Variants in ELMO1 observed in about 807,000 individuals in gnomAD.
ELMO1 encodes engulfment and cell motility protein 1.
In ELMO1, 26 loss-of-function variants were observed where a neutral mutation model predicts 98.9. The ratio of observed to expected loss-of-function variants is 0.26; its 90% CI spans 0.19 to 0.36. ELMO1 has a LOEUF of 0.36. ELMO1 is among the 10% of genes least tolerant of loss of function. The pLI is 1.00. For missense variants in ELMO1, 627 were observed against 935.2 expected, an observed-to-expected ratio of 0.67 and a Z score of 4.30; for synonymous variants, 346 against 346.0, an observed-to-expected ratio of 1.00 and a Z score of 0.00.
At chr7:36,956,510 G>C (rs1169056977) in intron 16 of ELMO1, among the ~76,000 whole-genome samples, 1 of 152,108 alleles carries the variant, frequency 6.6e-6, no homozygotes, top group Non-Finnish European at 1.5e-5. Flanking sequence ...TTATATGTTT[G>C]TAAAGGACAA....
At position 37,098,168 on chromosome 7, in the gene ELMO1, C is replaced by G. The variant is rs770262003; in HGVS notation, c.1192-1441G>C. On this transcript the variant is annotated intron_variant, in intron 14 of 21. Transcript: ENST00000310758. ...CATCTACAATGATGCTGTGCAGTGACTCACTGTTTTGTCACCTCCACAGAA... is the reference window on the plus strand; with the variant it reads ...CATCTACAATGATGCTGTGCAGTGAGTCACTGTTTTGTCACCTCCACAGAA... Among the ~76,000 whole-genome samples, 19 of 152,296 alleles carry G rather than the reference C, an allele frequency of 1.2e-4. No individual in the cohort carries two copies. In the South Asian group the frequency reaches 1.9e-3, roughly 15 times the overall value.
chr7:37,014,065 T>C (rs1369896831), intron 15 of ELMO1, among the ~76,000 whole-genome samples: 8 of 152,134 alleles, frequency 5.3e-5, no homozygotes, highest in Admixed American at 5.2e-4. Flanking sequence ...GGTCCAGTCC[T>C]GGGCAAAATC....
intron 15 of ELMO1, among the ~76,000 whole-genome samples, chr7:37,042,900 C>A (rs1039967750): frequency 2.6e-5 from 4 of 152,232 alleles, no homozygotes; most frequent in Non-Finnish European, 5.9e-5. Flanking sequence ...CAGTTCTGCG[C>A]ATCACATTTT....
chr7:37,290,390 A>C (rs1247670656), intron 4 of ELMO1, among the ~76,000 whole-genome samples: 1 of 152,246 alleles, frequency 6.6e-6, no homozygotes, highest in East Asian at 1.9e-4. Flanking sequence ...TCATATTAAA[A>C]TTATGTAATC....
chr7:37,127,997 A>G (rs1786651034), intron 14 of ELMO1, among the ~76,000 whole-genome samples: 2 of 152,198 alleles, frequency 1.3e-5, no homozygotes. Flanking sequence ...GTTCAAGACC[A>G]GCCTGGCCAA....
intron 4 of ELMO1, among the ~76,000 whole-genome samples, chr7:37,284,055 G>A (rs750384541): frequency 3.3e-5 from 5 of 152,132 alleles, no homozygotes; most frequent in East Asian, 1.9e-4. Context: ...AAAACCTCTC[G>A]TGGGACAGGT....
intron 16 of ELMO1, among the ~76,000 whole-genome samples, chr7:36,932,864 G>T (rs1022757356): frequency 6.6e-6 from 1 of 152,200 alleles, no homozygotes; most frequent in Admixed American, 6.5e-5. Flanking sequence ...GAGCTCCCTA[G>T]ATGTTTGTTC....
intron 16 of ELMO1, among the ~76,000 whole-genome samples, chr7:36,987,990 T>G (rs924972737): frequency 6.6e-6 from 1 of 152,312 alleles, no homozygotes; most frequent in East Asian, 1.9e-4. Flanking sequence ...ACTCCTGACC[T>G]CAGGTGATCC....
intron 1 of ELMO1, among the ~76,000 whole-genome samples, chr7:37,426,616 G>A (rs545398983): frequency 5.3e-5 from 8 of 152,222 alleles, no homozygotes; most frequent in African/African-American, 1.4e-4. Flanking sequence ...CCAGCATCTC[G>A]TTTGGATTCC....
At chr7:37,242,233 C>G (rs1014539162) in intron 7 of ELMO1, among the ~76,000 whole-genome samples, 1 of 152,146 alleles carries the variant, frequency 6.6e-6, no homozygotes, top group African/African-American at 2.4e-5. Context: ...CTTCTGACAT[C>G]TTCAACCTCA....
intron 2 of ELMO1, among the ~76,000 whole-genome samples, chr7:37,323,530 C>G: frequency 6.6e-6 from 1 of 152,132 alleles, no homozygotes; most frequent in East Asian, 1.9e-4. Context: ...TCTGTCTCTA[C>G]TAAATTACAA....
chr7:37,079,953 A>C (rs1383735621), intron 15 of ELMO1, among the ~76,000 whole-genome samples: 1 of 152,180 alleles, frequency 6.6e-6, no homozygotes, highest in Non-Finnish European at 1.5e-5. Flanking sequence ...AGACACATAT[A>C]TCCAACTATG....
chr7:37,287,950 C>G lies in ELMO1; in HGVS notation c.193-16068G>C, dbSNP rs990397768. On this transcript the variant is annotated intron_variant, in intron 4 of 21. Transcript: ENST00000310758. Reference sequence around the variant, plus strand: ...CCTCCAGTCTTGGCTCAAATGTCACCTTTTTTTTGTTTATTTGTTTGTTTG... The same window carrying G: ...CCTCCAGTCTTGGCTCAAATGTCACGTTTTTTTTGTTTATTTGTTTGTTTG... 7.1e-4 allele frequency among the ~76,000 whole-genome samples: 108 copies of G among 151,976 alleles called. 1 individual carries two copies. Among genetic ancestry groups the G allele is most frequent in the Non-Finnish European group, 1.2e-3 (84 of 67,910 alleles).
At chr7:37,103,405 A>T (rs560181427) in intron 14 of ELMO1, among the ~76,000 whole-genome samples, 3 of 151,966 alleles carry the variant, frequency 2.0e-5, no homozygotes, top group Admixed American at 6.6e-5. Flanking sequence ...CATTCTCAGC[A>T]AACTATCGCA....
At chr7:37,302,441 G>T (rs1255162802) in intron 4 of ELMO1, among the ~76,000 whole-genome samples, 1 of 152,098 alleles carries the variant, frequency 6.6e-6, no homozygotes, top group Non-Finnish European at 1.5e-5. Flanking sequence ...CTCTCTGGAA[G>T]TGCCCTCTTG....
chr7:37,216,317 T>C (rs1490055337), intron 11 of ELMO1, among the ~76,000 whole-genome samples: 4 of 152,008 alleles, frequency 2.6e-5, no homozygotes, highest in Non-Finnish European at 5.9e-5. Flanking sequence ...GAGCAAAACC[T>C]CATCAGGGTG....
At chr7:37,204,174 A>G (rs911863429) in intron 13 of ELMO1, 1 of 456,440 alleles carries the variant, frequency 2.2e-6, no homozygotes, top group African/African-American at 2.0e-5. Flanking sequence ...GGTGGCCAAA[A>G]TGTGTCTGGA....
intron 16 of ELMO1, among the ~76,000 whole-genome samples, chr7:36,979,279 A>G (rs1357715560): frequency 1.3e-5 from 2 of 152,230 alleles, no homozygotes; most frequent in Non-Finnish European, 2.9e-5. Flanking sequence ...CCTCCCATAC[A>G]TATTATAATT....
In ELMO1 at chr7:37,258,957, G is replaced by T. The variant is rs145755836; in HGVS notation, c.413+224C>A. On this transcript the variant is annotated intron_variant, in intron 6 of 21. Coordinates refer to ENST00000310758, the MANE Select transcript of ELMO1 (RefSeq NM_014800.11). ...AACCTGAAATTTCTAGCACTTGATG[G>T]ATTTCTATTTTGTCTCAGATACTAG... 2.6e-5 allele frequency among the ~76,000 whole-genome samples: 4 copies of T among 151,732 alleles called. No individual in the cohort carries two copies. The East Asian group carries it at 7.7e-4, about 29-fold the overall frequency.
Sources: gnomAD v4.1 joint callset for allele counts (sites outside exome capture counted in the v4.1 genomes callset) on GRCh38, gnomAD v4.1.1 for gene constraint, MANE v1.5 for transcripts, NCBI Gene and HGNC (gene_info 2026-07-23, HGNC 2026-07-21) for gene names.